GABRB3: variants seen among roughly 807,000 people sequenced by gnomAD.
The protein encoded by GABRB3 is gamma-aminobutyric acid type A receptor subunit beta3.
In GABRB3, 14 loss-of-function variants were observed where a neutral mutation model predicts 52.1. That is an observed-to-expected ratio of 0.27 (90% confidence interval 0.18 to 0.42). The LOEUF (loss-of-function observed/expected upper bound fraction) is 0.42, where lower values mean the gene tolerates loss of function less well. GABRB3 is among the 10% of genes least tolerant of loss of function. The probability of loss-of-function intolerance (pLI) is 1.00; values close to 1 mark genes in which losing one functional copy is unlikely to be tolerated. For synonymous variants in GABRB3, 260 were observed against 232.3 expected, an observed-to-expected ratio of 1.12 and a Z score of -1.08; for missense variants, 307 against 609.1, an observed-to-expected ratio of 0.50 and a Z score of 5.22.
chr15:26,560,025 T>C (rs1433904342), intron 8 of GABRB3, among the ~76,000 whole-genome samples: 2 of 152,192 alleles, frequency 1.3e-5, no homozygotes, highest in African/African-American at 2.4e-5. Flanking sequence ...GATCATCAAA[T>C]TGATAATTTT....
chr15:26,688,863 T>C (rs1232992623), intron 3 of GABRB3, among the ~76,000 whole-genome samples: 1 of 152,234 alleles, frequency 6.6e-6, no homozygotes, highest in Non-Finnish European at 1.5e-5. Flanking sequence ...GTGGCTAAGC[T>C]GTTGACAGGA....
intron 3 of GABRB3, among the ~76,000 whole-genome samples, chr15:26,685,556 A>G (rs1212839570): frequency 2.0e-5 from 3 of 152,232 alleles, no homozygotes; most frequent in Non-Finnish European, 4.4e-5. Context: ...GTAGAAAAAA[A>G]TGAGATAGTT....
At chr15:26,720,851 A>C (rs56935264) in intron 3 of GABRB3, among the ~76,000 whole-genome samples, 3,430 of 152,268 alleles carry the variant, frequency 0.023, 124 homozygotes, top group African/African-American at 0.079. Context: ...TATTCTAGTG[A>C]AGTGCATTGT....
At chr15:26,575,091 T>A (rs147693333) in intron 6 of GABRB3, among the ~76,000 whole-genome samples, 1 of 152,212 alleles carries the variant, frequency 6.6e-6, no homozygotes, top group Non-Finnish European at 1.5e-5. Context: ...GATTTCACCA[T>A]TGAGCACAGT....
intron 3 of GABRB3, among the ~76,000 whole-genome samples, chr15:26,709,479 C>G (rs1207142130): frequency 2.0e-5 from 3 of 151,588 alleles, no homozygotes; most frequent in African/African-American, 7.3e-5. Flanking sequence ...CCTGCAGAAC[C>G]ATGAGCCACG....
At chr15:26,738,330 G>A (rs554677305) in intron 3 of GABRB3, among the ~76,000 whole-genome samples, 15 of 152,106 alleles carry the variant, frequency 9.9e-5, no homozygotes, top group Admixed American at 1.3e-4. Flanking sequence ...TGATCCACCC[G>A]CCTCCGCCCC....
chr15:26,690,712 T>G (rs1888561990), intron 3 of GABRB3, among the ~76,000 whole-genome samples: 1 of 151,854 alleles, frequency 6.6e-6, no homozygotes, highest in African/African-American at 2.4e-5. Context: ...AGCACAGTCG[T>G]CCATCCAGTA....
At chr15:26,669,224 AGGAAT>A (rs1887810370) in intron 3 of GABRB3, among the ~76,000 whole-genome samples, 1 of 152,116 alleles carries the variant, frequency 6.6e-6, no homozygotes, top group African/African-American at 2.4e-5. Context: ...TCCTTGCCAC[AGGAAT>A]TTTATCTCTT....
At chr15:26,676,105 T>C (rs1888060179) in intron 3 of GABRB3, among the ~76,000 whole-genome samples, 1 of 152,208 alleles carries the variant, frequency 6.6e-6, no homozygotes, top group Admixed American at 6.5e-5. Context: ...GAGTCACCAC[T>C]AGACCCTCTA....
In GABRB3 at chr15:26,764,219, T is replaced by C. The variant is rs1595357478; in HGVS notation, c.240+8183A>G. ...ATATATATATATATATATATATATATATATATATATATATATAGTGTCATG... is the reference window on the plus strand; with the variant it reads ...ATATATATATATATATATATATATACATATATATATATATATAGTGTCATG... On this transcript the variant is annotated intron_variant, in intron 3 of 8. Transcript: ENST00000311550. Among the ~76,000 whole-genome samples, 2 of 84,020 alleles carry C rather than the reference T, an allele frequency of 2.4e-5. 1 individual carries two copies. Among genetic ancestry groups the C allele is most frequent in the Non-Finnish European group, 4.4e-5 (2 of 45,614 alleles). The allele number at this position is 84,020 out of a possible 152,430, so 55.1% of individuals were successfully genotyped here.
chr15:26,716,193 C>T (rs1889460651), intron 3 of GABRB3, among the ~76,000 whole-genome samples: 1 of 152,164 alleles, frequency 6.6e-6, no homozygotes, highest in Non-Finnish European at 1.5e-5. Flanking sequence ...GTACAAACTG[C>T]AAAACAGCTC....
chr15:26,662,707 C>G (rs1887588573), intron 3 of GABRB3, among the ~76,000 whole-genome samples: 1 of 152,086 alleles, frequency 6.6e-6, no homozygotes, highest in South Asian at 2.1e-4. Context: ...AGTGCACAGG[C>G]GTACCTTTCA....
At chr15:26,756,599 A>C (rs1376148804) in intron 3 of GABRB3, among the ~76,000 whole-genome samples, 2 of 152,114 alleles carry the variant, frequency 1.3e-5, no homozygotes, top group Non-Finnish European at 2.9e-5. Flanking sequence ...TTTAAAGTAC[A>C]GAACACTCCA....
In GABRB3 at chr15:26,621,394, T is replaced by C. The variant is rs754026886; in HGVS notation, c.381A>G (p.Lys127=). 1.2e-6 allele frequency: 2 copies of C among 1,614,152 alleles called. No homozygotes were observed. Among genetic ancestry groups the C allele is most frequent in the Middle Eastern group, 1.6e-4 (1 of 6,062 alleles). The change falls in exon 4 of 9, where the codon AAA becomes AAG. Residue 127 remains lysine (K), a synonymous_variant. Coordinates refer to ENST00000311550, the MANE Select transcript of GABRB3 (RefSeq NM_000814.6). The surrounding 1 kb of genome is among the most constrained non-coding windows in gnomAD (Gnocchi z 4.1). ...CTGTCACTCCATGCACAAATGACTTTTTGTCATTTAAGAAATATGTGTCGG... is the reference window on the plus strand; with the variant it reads ...CTGTCACTCCATGCACAAATGACTTCTTGTCATTTAAGAAATATGTGTCGG... ...WVPDTYFLND[K]KSFVHGVTVK...
chr15:26,564,534 C>G (rs892044383), intron 7 of GABRB3, among the ~76,000 whole-genome samples: 1 of 152,156 alleles, frequency 6.6e-6, no homozygotes, highest in Non-Finnish European at 1.5e-5. Flanking sequence ...AGGCCTCTGC[C>G]GAGCCCCACC....
intron 8 of GABRB3, among the ~76,000 whole-genome samples, chr15:26,554,695 T>C (rs192339312): frequency 7.9e-4 from 120 of 152,288 alleles, no homozygotes; most frequent in Non-Finnish European, 1.4e-3. Flanking sequence ...GGTGTGCATA[T>C]TTTGGAAGAT....
intron 3 of GABRB3, among the ~76,000 whole-genome samples, chr15:26,735,171 A>G (rs909317887): frequency 3.9e-5 from 6 of 152,234 alleles, no homozygotes; most frequent in African/African-American, 1.4e-4. Flanking sequence ...GGGGACTACA[A>G]ATCAAAACCA....
intron 3 of GABRB3, among the ~76,000 whole-genome samples, chr15:26,723,625 T>C (rs1352763441): frequency 6.6e-6 from 1 of 152,218 alleles, no homozygotes; most frequent in Non-Finnish European, 1.5e-5. Context: ...ATTGTCCCAA[T>C]GAATTCTCCT....
At chr15:26,624,528 G>A (rs1358244410) in intron 3 of GABRB3, 31 of 985,312 alleles carry the variant, frequency 3.1e-5, no homozygotes, top group Non-Finnish European at 3.6e-5. Context: ...CTCGGGCTCC[G>A]CGTCTTATTT....
Sources: allele counts gnomAD v4.1 joint callset (sites outside exome capture counted in the v4.1 genomes callset), GRCh38; gene constraint gnomAD v4.1.1; non-coding constraint Gnocchi (gnomAD v3.1); transcripts MANE v1.5; gene names NCBI Gene and HGNC (gene_info 2026-07-23, HGNC 2026-07-21).